Variants in NCAM1 observed in about 807,000 individuals in gnomAD.
The protein encoded by NCAM1 is neural cell adhesion molecule 1, also known as antigen recognized by monoclonal antibody 5.1H11.
In NCAM1, 14 loss-of-function variants were observed where a neutral mutation model predicts 109.8. That is an observed-to-expected ratio of 0.13 (90% CI 0.08 to 0.20). The LOEUF (loss-of-function observed/expected upper bound fraction) is 0.20, where lower values mean the gene tolerates loss of function less well. NCAM1 is among the 10% of genes least tolerant of loss of function. The pLI is 1.00. For synonymous variants in NCAM1, 418 were observed against 442.9 expected (o/e 0.94, Z 0.70); for missense variants, 774 against 1,109.9 (o/e 0.70, Z 4.30).
chr11:113,266,286 C>T (rs1946133100), intron 17 of NCAM1, among the ~76,000 whole-genome samples: 1 of 152,192 alleles, frequency 6.6e-6, no homozygotes, highest in Non-Finnish European at 1.5e-5. Flanking sequence ...CACAGCCTGT[C>T]CCTTCTTCAC....
intron 1 of NCAM1, among the ~76,000 whole-genome samples, chr11:113,146,560 A>T (rs145885881): frequency 1.3e-5 from 2 of 152,360 alleles, no homozygotes; most frequent in East Asian, 1.9e-4. Flanking sequence ...TATTTTTTCT[A>T]CAAGAGTTTA....
intron 1 of NCAM1, among the ~76,000 whole-genome samples, chr11:113,076,806 G>T (rs567080135): frequency 1.3e-5 from 2 of 152,272 alleles, no homozygotes; most frequent in South Asian, 2.1e-4. Flanking sequence ...ATCATGTTCA[G>T]CCCACTTTAT....
intron 1 of NCAM1, among the ~76,000 whole-genome samples, chr11:113,024,080 T>TA (rs1332495238): frequency 7.2e-5 from 11 of 152,192 alleles, no homozygotes; most frequent in Non-Finnish European, 1.5e-4. Flanking sequence ...GGGTAACACT[T>TA]ACTCAGCTTG....
chr11:113,179,420 C>T (rs1167091953), intron 1 of NCAM1, among the ~76,000 whole-genome samples: 2 of 152,236 alleles, frequency 1.3e-5, no homozygotes, highest in Non-Finnish European at 2.9e-5. Context: ...CTCAGCTAAG[C>T]AATTTGGTGT....
At chr11:113,236,429 T>C (rs1392680931) in intron 14 of NCAM1, 1 of 1,177,820 alleles carries the variant, frequency 8.5e-7, no homozygotes, top group South Asian at 1.3e-5. Context: ...AAGTAGATGA[T>C]ATTGTCTGGG....
At chr11:113,088,408 C>A (rs527967911) in intron 1 of NCAM1, among the ~76,000 whole-genome samples, 293 of 152,272 alleles carry the variant, frequency 1.9e-3, no homozygotes, top group South Asian at 9.3e-3. Flanking sequence ...TTATAAGAAA[C>A]AATCATTTAC....
intron 1 of NCAM1, among the ~76,000 whole-genome samples, chr11:113,001,919 G>T (rs1370628708): frequency 6.6e-6 from 1 of 152,102 alleles, no homozygotes; most frequent in African/African-American, 2.4e-5. Context: ...TTCCCTCCAC[G>T]TTGGCTTCAT....
At position 113,237,883 on chromosome 11, in the gene NCAM1, GATATATAGAT is replaced by G. The variant is rs1565521162; in HGVS notation, c.1825+2723_1825+2732del. On this transcript the variant is annotated intron_variant, in intron 14 of 19. Transcript: ENST00000316851. The stretch of plus-strand genomic sequence containing the variant: ...ATATATAGATATATAGATATATATA[GATATATAGAT>G]ATAGATATATAGATATATATAGATA... 2.7e-3 allele frequency among the ~76,000 whole-genome samples: 179 copies of G among 66,912 alleles called. 2 individuals carry two copies. Among genetic ancestry groups the G allele is most frequent in the African/African-American group, 8.2e-3 (167 of 20,334 alleles). The allele number at this position is 66,912 out of a possible 152,430, so 43.9% of individuals were successfully genotyped here. A position where few individuals can be genotyped will look rare whatever the true frequency, so the allele number is the denominator to read the frequency against.
intron 1 of NCAM1, among the ~76,000 whole-genome samples, chr11:113,063,227 A>G (rs1306121870): frequency 2.6e-5 from 4 of 152,196 alleles, no homozygotes; most frequent in Non-Finnish European, 4.4e-5. Context: ...GGAACACTCA[A>G]TGGCTGTTCC....
chr11:113,067,807 G>C (rs1938039549), intron 1 of NCAM1, among the ~76,000 whole-genome samples: 2 of 151,630 alleles, frequency 1.3e-5, no homozygotes, highest in Non-Finnish European at 2.9e-5. Context: ...GAAATGTCGT[G>C]TTAACAAAGT....
chr11:113,133,842 CTAATAATGAGT>C (rs1555098830), intron 1 of NCAM1: 1 of 152,164 alleles, frequency 6.6e-6, no homozygotes, highest in African/African-American at 2.4e-5. Flanking sequence ...AGTAATTCAA[CTAATAATGAGT>C]TCATTAAATA....
In NCAM1 at chr11:113,243,838, T is replaced by C. The variant is rs192739493; in HGVS notation, c.1826-2530T>C. On this transcript the variant is annotated intron_variant, in intron 14 of 19. Coordinates refer to ENST00000316851, the MANE Select transcript of NCAM1 (RefSeq NM_181351.5). The stretch of plus-strand genomic sequence containing the variant: ...TCCCCGGGCCAAGCTTTCCAATACA[T>C]AATTGAACAGAGAAGAAAAGAGTTT... The C allele has an allele frequency of 2.2e-3, 470 of 217,856 alleles. 9 individuals are homozygous for C. Among genetic ancestry groups the C allele is most frequent in the Non-Finnish European group, 2.2e-4 (23 of 102,504 alleles). The allele number at this position is 217,856 out of a possible 1,614,324, so 13.5% of individuals were successfully genotyped here.
intron 16 of NCAM1, among the ~76,000 whole-genome samples, chr11:113,256,410 G>T (rs1945835624): frequency 6.6e-6 from 1 of 152,184 alleles, no homozygotes; most frequent in Non-Finnish European, 1.5e-5. Context: ...CATTTTCTCT[G>T]CACAAGAACC....
chr11:113,264,002 C>T (rs1433420927), intron 17 of NCAM1: 1 of 985,324 alleles, frequency 1.0e-6, no homozygotes, highest in Non-Finnish European at 1.2e-6. Flanking sequence ...AGCTGCTCCT[C>T]CCTGCTGCTT....
intron 1 of NCAM1, among the ~76,000 whole-genome samples, chr11:113,129,377 A>G (rs1331878245): frequency 6.6e-6 from 1 of 152,214 alleles, no homozygotes; most frequent in Non-Finnish European, 1.5e-5. Context: ...CTGGAGCTGT[A>G]CGTCTCCACT....
intron 1 of NCAM1, among the ~76,000 whole-genome samples, chr11:112,982,564 T>C (rs975820657): frequency 2.0e-5 from 3 of 151,722 alleles, no homozygotes; most frequent in Non-Finnish European, 4.4e-5. Flanking sequence ...AGAGGCTGTG[T>C]GAGGTGATGG....
intron 1 of NCAM1, among the ~76,000 whole-genome samples, chr11:113,084,292 C>T (rs1555087844): frequency 6.6e-6 from 1 of 152,178 alleles, no homozygotes; most frequent in East Asian, 1.9e-4. Flanking sequence ...ATTCTCCTCA[C>T]CCCTGTTCTA....
chr11:113,083,703 T>G (rs782236629), intron 1 of NCAM1, among the ~76,000 whole-genome samples: 4 of 152,202 alleles, frequency 2.6e-5, no homozygotes, highest in Non-Finnish European at 5.9e-5. Context: ...AAATGCAGAT[T>G]CTGCAAGTCC....
At chr11:113,060,142 A>G (rs1353204916) in intron 1 of NCAM1, among the ~76,000 whole-genome samples, 2 of 152,240 alleles carry the variant, frequency 1.3e-5, no homozygotes, top group African/African-American at 4.8e-5. Flanking sequence ...GGTTTTGTAG[A>G]TCTTGGTTGC....
Sources: gnomAD v4.1 joint callset for allele counts (sites outside exome capture counted in the v4.1 genomes callset) on GRCh38, gnomAD v4.1.1 for gene constraint, MANE v1.5 for transcripts, NCBI Gene and HGNC (gene_info 2026-07-23, HGNC 2026-07-21) for gene names.